SPTBN1: variants seen among roughly 807,000 people sequenced by gnomAD.
The protein encoded by SPTBN1 is spectrin beta chain, non-erythrocytic 1.
A neutral mutation model predicts 266.4 loss-of-function variants in SPTBN1; 32 were observed. The observed-to-expected ratio is 0.12, with a 90% confidence interval of 0.09 to 0.16. SPTBN1 has a LOEUF of 0.16. SPTBN1 is among the 10% of genes least tolerant of loss of function. The pLI is 1.00. For synonymous variants in SPTBN1, 1,336 were observed against 1,162.2 expected (o/e 1.15, Z -3.04); for missense variants, 2,296 against 3,067.1 (o/e 0.75, Z 5.94).
chr2:54,649,071 G>A lies in SPTBN1; in HGVS notation c.5083G>A (p.Asp1695Asn), dbSNP rs746300136. 8 of 1,614,226 alleles carry A rather than the reference G, an allele frequency of 5.0e-6. No individual in the cohort carries two copies. Among genetic ancestry groups the A allele is most frequent in the Non-Finnish European group, 6.8e-6 (8 of 1,180,028 alleles). Residue 1695 changes from aspartate to asparagine, a missense_variant, in exon 25 of 36, where the codon GAT becomes AAT. Asp to Asn is a conservative substitution (Grantham distance 23). Coordinates refer to ENST00000356805, the MANE Select transcript of SPTBN1 (RefSeq NM_003128.3). The surrounding 1 kb of genome is among the most constrained non-coding windows in gnomAD (Gnocchi z 6.7). ...TGCTGAAGAGAGAAGAGGCAAGCTG[G>A]ATGAGAGACACAGGTTATTCCAGCT... ...DLAEERRGKL[D>N]ERHRLFQLNR...
At chr2:54,467,504 C>G (rs1337728871) in intron 1 of SPTBN1, among the ~76,000 whole-genome samples, 1 of 152,226 alleles carries the variant, frequency 6.6e-6, no homozygotes, top group South Asian at 2.1e-4. Flanking sequence ...AAGCGATTCT[C>G]CTGCCTCAGC....
At position 54,533,683 on chromosome 2, in the gene SPTBN1, T is replaced by C. The variant is rs4514918; in HGVS notation, c.148+7117T>C. 0.76 allele frequency among the ~76,000 whole-genome samples: 115,814 copies of C among 151,862 alleles called. 44,965 individuals are homozygous for C. The highest frequency in any genetic ancestry group is 0.92 in the African/African-American group (38,283 of 41,392). On this transcript the variant is annotated intron_variant, in intron 2 of 35. Coordinates refer to ENST00000356805, the MANE Select transcript of SPTBN1 (RefSeq NM_003128.3). This position sits in a 1 kb window ranked among gnomAD's most constrained non-coding sequence, Gnocchi z 4.2. The stretch of plus-strand genomic sequence containing the variant: ...CTCCTGCCTCAGCTTCCCGAGTAGC[T>C]GGGACTACAGGCACCCGCCACCACA...
At position 54,619,591 on chromosome 2, in the gene SPTBN1, G is replaced by T. The variant is rs192368011; in HGVS notation, c.763+1398G>T. Among the ~76,000 whole-genome samples, 606 of 152,186 alleles carry T rather than the reference G, an allele frequency of 4.0e-3. 6 individuals are homozygous for T. The highest frequency in any genetic ancestry group is 3.1e-3 in the Non-Finnish European group (212 of 68,008). On this transcript the variant is annotated intron_variant, in intron 7 of 35. Transcript: ENST00000356805. The stretch of plus-strand genomic sequence containing the variant: ...TTGATCTTGATTATTAGTTGTCCAG[G>T]GCTCCAAAGAACATCAGTTAAAATC...
intron 6 of SPTBN1, 62 bp downstream of exon 6, chr2:54,617,750 G>C: frequency 1.3e-6 from 2 of 1,544,540 alleles, no homozygotes. Flanking sequence ...TTCCATAGCA[G>C]ATTTGGGTGA....
chr2:54,628,788 T>A lies in SPTBN1; in HGVS notation c.1799-145T>A. The A allele has an allele frequency of 9.2e-7, 1 of 1,082,928 alleles. No homozygotes were observed. Among genetic ancestry groups the A allele is most frequent in the Non-Finnish European group, 1.3e-6 (1 of 777,874 alleles). The allele number at this position is 1,082,928 out of a possible 1,614,324, so 67.1% of individuals were successfully genotyped here. ...AGTCAAGTTGTTAGAAGGTGCTCCA[T>A]TGCCTTATCGCATGGCCCTGCATTT... On this transcript the variant is annotated intron_variant, in intron 13 of 35. Coordinates refer to ENST00000356805, the MANE Select transcript of SPTBN1 (RefSeq NM_003128.3). This position sits in a 1 kb window ranked among gnomAD's most constrained non-coding sequence, Gnocchi z 4.3.
At chr2:54,648,131 G>C (rs565919747) in intron 24 of SPTBN1, among the ~76,000 whole-genome samples, 1 of 152,328 alleles carries the variant, frequency 6.6e-6, no homozygotes, top group African/African-American at 2.4e-5. Flanking sequence ...TTCCAAAGCA[G>C]TCATTTTAGG....
intron 16 of SPTBN1, 76 bp downstream of exon 16, chr2:54,631,687 C>A: frequency 4.6e-6 from 7 of 1,535,338 alleles, no homozygotes; most frequent in Non-Finnish European, 6.1e-6. Context: ...TTGGCTGGGG[C>A]AGCTGGTTTA....
intron 1 of SPTBN1, among the ~76,000 whole-genome samples, chr2:54,461,370 G>T (rs1225831646): frequency 6.6e-6 from 1 of 152,062 alleles, no homozygotes; most frequent in South Asian, 2.1e-4. Context: ...ATTGATTCCA[G>T]GTTTTTTTGC....
At chr2:54,463,063 G>A (rs1254784881) in intron 1 of SPTBN1, among the ~76,000 whole-genome samples, 3 of 151,850 alleles carry the variant, frequency 2.0e-5, no homozygotes, top group Admixed American at 6.6e-5. Context: ...GAAGAAACTA[G>A]AAGCAAGGAG....
chr2:54,536,641 A>G (rs1307605399), intron 2 of SPTBN1, among the ~76,000 whole-genome samples: 1 of 152,248 alleles, frequency 6.6e-6, no homozygotes, highest in Non-Finnish European at 1.5e-5. Context: ...AATCATGCTT[A>G]GAAAATTATT....
chr2:54,670,338 G>T lies in SPTBN1; in HGVS notation c.*1769G>T. ...GGTTATCTGGGTATGTTGACTCCAT[G>T]CCACTTGCATAAAGCAGCAATGGAT... On this transcript the variant is annotated 3_prime_UTR_variant, in exon 36 of 36. Coordinates refer to ENST00000356805, the MANE Select transcript of SPTBN1 (RefSeq NM_003128.3). 5.6e-6 allele frequency: 1 copy of T among 178,042 alleles called. No homozygotes were observed. Among genetic ancestry groups the T allele is most frequent in the Non-Finnish European group, 1.2e-5 (1 of 85,342 alleles). The allele number at this position is 178,042 out of a possible 1,614,324, so 11.0% of individuals were successfully genotyped here.
chr2:54,474,642 T>C (rs956547558), intron 1 of SPTBN1, among the ~76,000 whole-genome samples: 1 of 152,192 alleles, frequency 6.6e-6, no homozygotes, highest in African/African-American at 2.4e-5. Flanking sequence ...GGAAGGTTTT[T>C]AACATAGGGA....
At chr2:54,459,829 A>G (rs1234466519) in intron 1 of SPTBN1, among the ~76,000 whole-genome samples, 1 of 152,036 alleles carries the variant, frequency 6.6e-6, no homozygotes, top group African/African-American at 2.4e-5. Flanking sequence ...TTTCTTGTAA[A>G]TTTTCAGTCT....
chr2:54,558,913 C>T lies in SPTBN1; in HGVS notation c.148+32347C>T. Reference sequence around the variant, plus strand: ...GTAAGCCCCCTCCCAAAGGCCGGGCCTGTCCTGGGTGCCAACGGGGGTTCT... The same window carrying T: ...GTAAGCCCCCTCCCAAAGGCCGGGCTTGTCCTGGGTGCCAACGGGGGTTCT... On this transcript the variant is annotated intron_variant, in intron 2 of 35. Transcript: ENST00000356805. This position sits in a 1 kb window ranked among gnomAD's most constrained non-coding sequence, Gnocchi z 4.6. 1 of 1,608,872 alleles carries T rather than the reference C, an allele frequency of 6.2e-7. No individual in the cohort carries two copies. The highest frequency in any genetic ancestry group is 1.1e-5 in the South Asian group (1 of 90,554).
chr2:54,542,808 A>G (rs1040159507), intron 2 of SPTBN1, among the ~76,000 whole-genome samples: 6 of 152,186 alleles, frequency 3.9e-5, no homozygotes, highest in African/African-American at 1.4e-4. Flanking sequence ...AGAGGAAGGA[A>G]GAGGAATTTG....
intron 16 of SPTBN1, among the ~76,000 whole-genome samples, 190 bp from the exon 17 acceptor site, chr2:54,632,376 G>T (rs894908713): frequency 6.6e-6 from 1 of 152,152 alleles, no homozygotes; most frequent in Non-Finnish European, 1.5e-5. Flanking sequence ...ATTAACCCCT[G>T]AGGGAAATTC....
At chr2:54,665,821 G>A in intron 33 of SPTBN1, 94 bp from the exon 34 acceptor site, 1 of 1,423,672 alleles carries the variant, frequency 7.0e-7, no homozygotes, top group Non-Finnish European at 9.6e-7. Flanking sequence ...TGTGTTGTGT[G>A]AGGATCATTT....
intron 1 of SPTBN1, among the ~76,000 whole-genome samples, chr2:54,477,923 A>G (rs892874352): frequency 6.6e-6 from 1 of 150,972 alleles, no homozygotes; most frequent in Non-Finnish European, 1.5e-5. Context: ...AAAAAAAAAG[A>G]CTGGTAGTAG....
Position 54,588,484 on chromosome 2 carries a change from T to C in SPTBN1, c.149-10608T>C, listed in dbSNP as rs6722156. ...GTGCCTCAGGTGCTTTGGGATTCTG[T>C]AGGGTTCAGATAAATGTGGGCTCTA... On this transcript the variant is annotated intron_variant, in intron 2 of 35. Transcript: ENST00000356805. 5.8e-3 allele frequency among the ~76,000 whole-genome samples: 887 copies of C among 152,248 alleles called. 6 individuals carry two copies. Among genetic ancestry groups the C allele is most frequent in the African/African-American group, 0.02 (833 of 41,534 alleles).
Sources: gnomAD v4.1 joint callset for allele counts (sites outside exome capture counted in the v4.1 genomes callset) on GRCh38, gnomAD v4.1.1 for gene constraint, Gnocchi (gnomAD v3.1) non-coding constraint, MANE v1.5 for transcripts, NCBI Gene and HGNC (gene_info 2026-07-23, HGNC 2026-07-21) for gene names.